The following GALNT7 variants were observed in gnomAD, a reference collection of about 807,000 sequenced individuals.
GALNT7 encodes polypeptide N-acetylgalactosaminyltransferase 7.
In GALNT7, 60 loss-of-function variants were observed where a neutral mutation model predicts 82.1. That is an observed-to-expected ratio of 0.73 (90% CI 0.59 to 0.91). GALNT7 has a LOEUF of 0.91. Among genes scored for constraint, GALNT7 ranks in the 40% least tolerant of loss-of-function variants. GALNT7 has a pLI of 0.00. For synonymous variants in GALNT7, 243 were observed against 275.1 expected (o/e 0.88, Z 1.15); for missense variants, 660 against 804.2 (o/e 0.82, Z 2.17).
chr4:173,221,921 A>G (rs574301788), intron 1 of GALNT7, among the ~76,000 whole-genome samples: 1 of 152,198 alleles, frequency 6.6e-6, no homozygotes, highest in Admixed American at 6.5e-5. Flanking sequence ...TGAGAGATAC[A>G]CTATTTTAGC....
Position 173,283,101 on chromosome 4 carries a change from T to TA in GALNT7, c.588-9002dup, listed in dbSNP as rs1260002418. 6.6e-5 allele frequency among the ~76,000 whole-genome samples: 10 copies of TA among 152,206 alleles called. No homozygotes were observed. The South Asian group carries it at 1.0e-3, about 16-fold the overall frequency. ...TTAGTCTAAAATGTAGGCAAGAACT[T>TA]AAAAATCACTAATGAGACTAGAAAT... On this transcript the variant is annotated intron_variant, in intron 2 of 11. Coordinates refer to ENST00000265000, the MANE Select transcript of GALNT7 (RefSeq NM_017423.3).
At chr4:173,238,502 T>C (rs1734306793) in intron 1 of GALNT7, among the ~76,000 whole-genome samples, 1 of 152,220 alleles carries the variant, frequency 6.6e-6, no homozygotes, top group Non-Finnish European at 1.5e-5. Flanking sequence ...GTGGCATTCA[T>C]ATGCCTTGTG....
intron 1 of GALNT7, among the ~76,000 whole-genome samples, chr4:173,245,239 T>C (rs989480640): frequency 6.6e-6 from 1 of 151,710 alleles, no homozygotes; most frequent in Non-Finnish European, 1.5e-5. Context: ...AAAAACAACT[T>C]TTGGAGGAAA....
At chr4:173,212,275 A>G (rs754185125) in intron 1 of GALNT7, among the ~76,000 whole-genome samples, 8 of 152,256 alleles carry the variant, frequency 5.3e-5, no homozygotes, top group South Asian at 2.1e-4. Context: ...ATATTTTCAT[A>G]GTTCTTTAAT....
intron 1 of GALNT7, among the ~76,000 whole-genome samples, chr4:173,188,456 C>T (rs1437607033): frequency 2.6e-5 from 4 of 152,182 alleles, no homozygotes; most frequent in Non-Finnish European, 4.4e-5. Flanking sequence ...AGAGATTTCA[C>T]GGCATACATT....
At chr4:173,293,136 A>G (rs888787059) in intron 3 of GALNT7, among the ~76,000 whole-genome samples, 10 of 152,190 alleles carry the variant, frequency 6.6e-5, no homozygotes, top group African/African-American at 2.2e-4. Context: ...AAGAACCTCT[A>G]TATTATTAAT....
chr4:173,245,428 A>G (rs1734591094), intron 1 of GALNT7, among the ~76,000 whole-genome samples: 1 of 152,142 alleles, frequency 6.6e-6, no homozygotes, highest in Admixed American at 6.6e-5. Context: ...TTTCTTCTCT[A>G]TGGAACATTA....
intron 1 of GALNT7, among the ~76,000 whole-genome samples, chr4:173,218,253 G>C (rs1218054143): frequency 6.6e-6 from 1 of 152,046 alleles, no homozygotes; most frequent in Non-Finnish European, 1.5e-5. Context: ...GATATAAAAA[G>C]AAAAATGAAT....
chr4:173,240,785 C>T (rs988586928), intron 1 of GALNT7, among the ~76,000 whole-genome samples: 3 of 152,104 alleles, frequency 2.0e-5, no homozygotes, highest in African/African-American at 7.2e-5. Flanking sequence ...TGGGAACAAA[C>T]CTGTTTAACC....
intron 1 of GALNT7, among the ~76,000 whole-genome samples, chr4:173,217,489 A>T (rs897426769): frequency 1.3e-5 from 2 of 152,230 alleles, no homozygotes; most frequent in African/African-American, 4.8e-5. Context: ...CTACTAGAAC[A>T]TAAGGTTGAA....
intron 2 of GALNT7, among the ~76,000 whole-genome samples, chr4:173,265,263 C>T (rs185321604): frequency 3.7e-4 from 57 of 152,266 alleles, no homozygotes; most frequent in African/African-American, 1.3e-3. Context: ...CTCTATTAGC[C>T]TTTGTTTGTG....
chr4:173,169,209 C>A (rs1731754798), intron 1 of GALNT7: 1 of 155,628 alleles, frequency 6.4e-6, no homozygotes, highest in Non-Finnish European at 1.4e-5. Context: ...CCGTCGCCGA[C>A]ACCCGCGCTG....
chr4:173,224,266 C>T (rs944079473), intron 1 of GALNT7, among the ~76,000 whole-genome samples: 9 of 152,154 alleles, frequency 5.9e-5, no homozygotes, highest in Non-Finnish European at 8.8e-5. Flanking sequence ...TACCACGTTT[C>T]GAGTAGATCT....
intron 2 of GALNT7, among the ~76,000 whole-genome samples, chr4:173,259,374 C>T (rs962417702): frequency 2.0e-5 from 3 of 151,574 alleles, no homozygotes; most frequent in African/African-American, 7.3e-5. Context: ...GGTGGTAGTA[C>T]AGTAATCATT....
chr4:173,200,512 C>T (rs1016760008), intron 1 of GALNT7, among the ~76,000 whole-genome samples: 1 of 151,880 alleles, frequency 6.6e-6, no homozygotes, highest in African/African-American at 2.4e-5. Context: ...CTAATTAGCA[C>T]ATTAATATCA....
chr4:173,251,831 T>C (rs1312878349), intron 2 of GALNT7, among the ~76,000 whole-genome samples: 1 of 152,246 alleles, frequency 6.6e-6, no homozygotes, highest in East Asian at 1.9e-4. Context: ...TAAATGCTCC[T>C]AAGCCTCTCT....
chr4:173,202,499 A>G (rs1404604221), intron 1 of GALNT7, among the ~76,000 whole-genome samples: 1 of 152,112 alleles, frequency 6.6e-6, no homozygotes, highest in East Asian at 1.9e-4. Flanking sequence ...CAGTAATATT[A>G]TTGCCTTTTC....
chr4:173,183,478 A>G (rs1226268976), intron 1 of GALNT7, among the ~76,000 whole-genome samples: 1 of 147,276 alleles, frequency 6.8e-6, no homozygotes, highest in Non-Finnish European at 1.5e-5. Flanking sequence ...CGTGGGCTTA[A>G]TTTTTTTTTT....
chr4:173,200,664 G>T (rs1482603631), intron 1 of GALNT7, among the ~76,000 whole-genome samples: 1 of 152,074 alleles, frequency 6.6e-6, no homozygotes, highest in Non-Finnish European at 1.5e-5. Context: ...CAGTGTTTAG[G>T]GTCTGCTAAG....
Sources: gnomAD v4.1 joint callset for allele counts (sites outside exome capture counted in the v4.1 genomes callset) on GRCh38, gnomAD v4.1.1 for gene constraint, MANE v1.5 for transcripts, NCBI Gene and HGNC (gene_info 2026-07-23, HGNC 2026-07-21) for gene names.